Variants in ANKRD36 observed in about 807,000 individuals in gnomAD.
ANKRD36 encodes the protein ankyrin repeat domain-containing protein 36A.
ANKRD36 carries 179 observed loss-of-function variants against 278.1 expected under a neutral mutation model. That is an observed-to-expected ratio of 0.64 (90% CI 0.57 to 0.73). The LOEUF is 0.73. Among genes scored for constraint, ANKRD36 ranks in the 30% least tolerant of loss-of-function variants. The pLI is 0.00. For synonymous variants in ANKRD36, 320 were observed against 641.1 expected (o/e 0.50, Z 7.57); for missense variants, 1,159 against 1,956.7 (o/e 0.59, Z 7.69).
chr2:97,117,944 C>T (rs529218535), intron 1 of ANKRD36, 120 bp from the exon 2 acceptor site: 38 of 1,387,310 alleles, frequency 2.7e-5, no homozygotes, highest in Admixed American at 5.3e-5. Flanking sequence ...GAGTAATAAG[C>T]GCTAACAAAT....
intron 14 of ANKRD36, 76 bp from the exon 15 acceptor site, chr2:97,154,599 A>G (rs1295294127): frequency 2.4e-6 from 3 of 1,228,542 alleles, no homozygotes; most frequent in Non-Finnish European, 2.3e-6. Flanking sequence ...GGGGACCTGC[A>G]TGTATAGACT....
chr2:97,115,366 C>A (rs2034975356), intron 1 of ANKRD36, among the ~76,000 whole-genome samples: 2 of 151,686 alleles, frequency 1.3e-5, no homozygotes, highest in African/African-American at 4.8e-5. Context: ...GTTTATATTC[C>A]TACAAATATC....
In ANKRD36 at chr2:97,144,729, C is replaced by T; in HGVS notation, c.1003+17C>T. 2 of 1,543,078 alleles carry T rather than the reference C, an allele frequency of 1.3e-6. No homozygotes were observed. The highest frequency in any genetic ancestry group is 1.7e-6 in the Non-Finnish European group (2 of 1,146,064). ...CTGGGACAGGTAATTTTGCAATACA[C>T]ATTTAATGCCATGTACAGTCAAGAT... On this transcript the variant is annotated intron_variant, in intron 10 of 75. Transcript: ENST00000420699.
chr2:97,158,299 C>G lies in ANKRD36; in HGVS notation c.1321+132C>G, dbSNP rs4629197. 6 of 1,086,958 alleles carry G rather than the reference C, an allele frequency of 5.5e-6. No individual in the cohort carries two copies. In the Admixed American group the frequency reaches 1.5e-4, roughly 27 times the overall value. The allele number at this position is 1,086,958 out of a possible 1,614,324, so 67.3% of individuals were successfully genotyped here. On this transcript the variant is annotated intron_variant, in intron 16 of 75. Transcript: ENST00000420699. ...CTGGAGTGCAGTGGCATGATCTTGG[C>G]TCACTGCAACTTCTACCTCCTGGGT...
intron 8 of ANKRD36, 59 bp from the exon 9 acceptor site, chr2:97,144,459 G>A: frequency 6.3e-7 from 1 of 1,591,550 alleles, no homozygotes; most frequent in South Asian, 1.1e-5. Context: ...CTGCATGAAA[G>A]TATGGATAAC....
At chr2:97,131,321 G>C (rs201873713) in intron 6 of ANKRD36, among the ~76,000 whole-genome samples, 44 of 151,750 alleles carry the variant, frequency 2.9e-4, no homozygotes, top group African/African-American at 9.7e-5. Context: ...TCCTAAGTCG[G>C]TGAGACTGCT....
chr2:97,178,553 T>G (rs2055072110), intron 22 of ANKRD36, among the ~76,000 whole-genome samples: 1 of 151,654 alleles, frequency 6.6e-6, no homozygotes, highest in East Asian at 2.0e-4. Context: ...TTGGAAATCA[T>G]CATTCTCAGT....
intron 60 of ANKRD36, among the ~76,000 whole-genome samples, chr2:97,214,433 T>G (rs2065418065): frequency 6.6e-6 from 1 of 150,526 alleles, no homozygotes; most frequent in Non-Finnish European, 1.5e-5. Flanking sequence ...GAGAATAGCA[T>G]GATATTCCTA....
At chr2:97,209,951 G>C (rs1181350291) in intron 56 of ANKRD36, 79 bp downstream of exon 56, 1 of 1,506,366 alleles carries the variant, frequency 6.6e-7, no homozygotes, top group Admixed American at 2.2e-5. Flanking sequence ...ATCAGCGGAG[G>C]GCTCGTTGAA....
chr2:97,228,209 G>T (rs1212843153), intron 67 of ANKRD36, among the ~76,000 whole-genome samples: 4 of 152,226 alleles, frequency 2.6e-5, no homozygotes, highest in African/African-American at 9.6e-5. Context: ...TCAGAAGGAA[G>T]GGTACCACTT....
At chr2:97,233,246 CAAGTA>C (rs1280347116) in intron 67 of ANKRD36, among the ~76,000 whole-genome samples, 1 of 148,588 alleles carries the variant, frequency 6.7e-6, no homozygotes, top group Non-Finnish European at 1.5e-5. Flanking sequence ...AAGCATATTA[CAAGTA>C]AAGTAGAGTT....
rs2043796785 is a variant in ANKRD36 at position 97,144,646 on chromosome 2, A to G, written c.937A>G (p.Ser313Gly). The G allele has an allele frequency of 1.0e-5, 16 of 1,544,156 alleles. No individual in the cohort carries two copies. Among genetic ancestry groups the G allele is most frequent in the Non-Finnish European group, 1.3e-5 (15 of 1,147,594 alleles). The change falls in exon 10 of 76, where the codon AGT becomes GGT. Residue 313 changes from serine (S) to glycine (G), a missense_variant. Ser to Gly is a moderately conservative substitution (Grantham distance 56, BLOSUM62 0). Transcript: ENST00000420699. The stretch of plus-strand genomic sequence containing the variant: ...TGTTTGAAATCCCACTCAGGATACA[A>G]GTGACAAGGATGATTCTGTTTCGAA... ...SQKQPALKDT[S>G]DKDDSVSNTA...
At chr2:97,203,790 C>T (rs1048219482) in intron 48 of ANKRD36, among the ~76,000 whole-genome samples, 2 of 151,776 alleles carry the variant, frequency 1.3e-5, no homozygotes, top group African/African-American at 4.8e-5. Flanking sequence ...CCTCATCACT[C>T]GGCATATCCA....
At chr2:97,184,422 A>G (rs1226224731) in intron 28 of ANKRD36, among the ~76,000 whole-genome samples, 2 of 151,762 alleles carry the variant, frequency 1.3e-5, no homozygotes, top group East Asian at 3.9e-4. Flanking sequence ...CTTTTTCATT[A>G]AAATAGCTAT....
chr2:97,174,934 A>G (rs1453263470), intron 22 of ANKRD36, among the ~76,000 whole-genome samples: 65 of 145,918 alleles, frequency 4.5e-4, no homozygotes, highest in African/African-American at 1.5e-3. Flanking sequence ...ACATTTATTG[A>G]TTTGCATATA....
At chr2:97,196,837 A>C (rs755077710) in intron 42 of ANKRD36, 49 bp downstream of exon 42, 2 of 1,541,608 alleles carry the variant, frequency 1.3e-6, no homozygotes, top group South Asian at 2.4e-5. Context: ...GATAGATAAG[A>C]AGTTCTCTTC....
intron 22 of ANKRD36, among the ~76,000 whole-genome samples, chr2:97,175,545 C>A (rs1435184004): frequency 6.6e-6 from 1 of 151,658 alleles, no homozygotes; most frequent in Non-Finnish European, 1.5e-5. Flanking sequence ...CTAGTGGTCT[C>A]TCAATTTTGT....
rs1422867212 is a variant in ANKRD36 at position 97,156,227 on chromosome 2, T to A, written c.1260+1486T>A. Among the ~76,000 whole-genome samples the A allele has an allele frequency of 2.0e-5, 3 of 146,492 alleles. 1 individual carries two copies. Among genetic ancestry groups the A allele is most frequent in the Non-Finnish European group, 3.1e-5 (2 of 64,890 alleles). On this transcript the variant is annotated intron_variant, in intron 15 of 75. Coordinates refer to ENST00000420699, the MANE Select transcript of ANKRD36 (RefSeq NM_001354587.1). The stretch of plus-strand genomic sequence containing the variant: ...TCAGGACATACATTACTCTTTTTTT[T>A]TTATTATTATACTTTAAGTTTTAGG...
rs1156570936 is a variant in ANKRD36 at position 97,220,012 on chromosome 2, CTTATT to C, written c.3877+767_3877+771del. Among the ~76,000 whole-genome samples, 12 of 140,026 alleles carry C rather than the reference CTTATT, an allele frequency of 8.6e-5. No homozygotes were observed. In the Admixed American group the frequency reaches 8.6e-4, roughly 10 times the overall value. 91.9% of individuals were successfully genotyped at this position (140,026 alleles called of 152,430 possible). A position where few individuals can be genotyped will look rare whatever the true frequency, so the allele number is the denominator to read the frequency against. On this transcript the variant is annotated intron_variant, in intron 66 of 75. Transcript: ENST00000420699. ...ATTGGTTCTGGTCAATTTTGTTACACTTATTATATTAAGCCAATCGGATGTTCTGA... is the reference window on the plus strand; with the variant it reads ...ATTGGTTCTGGTCAATTTTGTTACACATATTAAGCCAATCGGATGTTCTGA...
Sources: gnomAD v4.1 joint callset for allele counts (sites outside exome capture counted in the v4.1 genomes callset) on GRCh38, gnomAD v4.1.1 for gene constraint, MANE v1.5 for transcripts, NCBI Gene and HGNC (gene_info 2026-07-23, HGNC 2026-07-21) for gene names.